GAREM1: variants seen among roughly 807,000 people sequenced by gnomAD.
GAREM1 encodes GRB2 associated regulator of MAPK1 subtype 1.
GAREM1 carries 26 observed loss-of-function variants against 71.3 expected under a neutral mutation model. The ratio of observed to expected loss-of-function variants is 0.36; its 90% CI spans 0.27 to 0.51. The LOEUF (loss-of-function observed/expected upper bound fraction) is 0.51. Among genes scored for constraint, GAREM1 ranks in the 20% least tolerant of loss-of-function variants. The pLI is 0.95. For missense variants in GAREM1, 1,026 were observed against 1,103.1 expected (o/e 0.93, Z 0.99); for synonymous variants, 440 against 433.2 (o/e 1.02, Z -0.20).
chr18:32,375,657 TGATTA>T (rs2048024278), intron 2 of GAREM1, among the ~76,000 whole-genome samples: 1 of 152,214 alleles, frequency 6.6e-6, no homozygotes, highest in Non-Finnish European at 1.5e-5. Flanking sequence ...GGAAATCATT[TGATTA>T]AAGGCAATCA....
In GAREM1 at chr18:32,270,383, C is replaced by T. The variant is rs1447494593; in HGVS notation, c.1567G>A (p.Val523Ile). Residue 523 changes from valine to isoleucine, a missense_variant and splice_region_variant, in exon 5 of 6, where the codon GTC becomes ATC. Around this residue, in one of 3 missense-constraint regions of GAREM1, gnomAD observed 636 missense variants for 631.2 expected, o/e 1.01. Coordinates refer to ENST00000269209, the MANE Select transcript of GAREM1 (RefSeq NM_001242409.2). The stretch of plus-strand genomic sequence containing the variant: ...TTCAGGAGCCGGCATTCTTCTCTGA[C>T]CTGGCGCAGAAAAGAACACTCCAGG... Reference protein sequence around the residue: ...PPPVPPKSEAVREECRLLNAP... With the variant: ...PPPVPPKSEAIREECRLLNAP... 1 of 1,609,928 alleles carries T rather than the reference C, an allele frequency of 6.2e-7. No individual in the cohort carries two copies. The highest frequency in any genetic ancestry group is 8.5e-7 in the Non-Finnish European group (1 of 1,178,378).
intron 1 of GAREM1, among the ~76,000 whole-genome samples, chr18:32,406,651 G>C (rs886560337): frequency 6.6e-6 from 1 of 152,158 alleles, no homozygotes. Flanking sequence ...TAACTAATTG[G>C]CAACTAACTT....
intron 1 of GAREM1, among the ~76,000 whole-genome samples, chr18:32,397,736 A>T (rs920295703): frequency 6.6e-6 from 1 of 152,210 alleles, no homozygotes; most frequent in Non-Finnish European, 1.5e-5. Context: ...TCAACATTAG[A>T]CAGATAGAGA....
intron 1 of GAREM1, among the ~76,000 whole-genome samples, chr18:32,457,301 C>G (rs1328431339): frequency 9.5e-5 from 14 of 147,566 alleles, no homozygotes. Flanking sequence ...GTGGTTATAT[C>G]AAGACTTCAG....
At chr18:32,457,219 G>GT (rs1381478586) in intron 1 of GAREM1, among the ~76,000 whole-genome samples, 2,349 of 129,466 alleles carry the variant, frequency 0.018, 113 homozygotes, top group African/African-American at 0.066. Context: ...GAGAGAGAGA[G>GT]AGAGAGAGTG....
At chr18:32,418,679 A>G (rs2048488916) in intron 1 of GAREM1, among the ~76,000 whole-genome samples, 1 of 152,118 alleles carries the variant, frequency 6.6e-6, no homozygotes, top group Non-Finnish European at 1.5e-5. Flanking sequence ...ATACAATAGA[A>G]CCAATAAGAT....
intron 1 of GAREM1, among the ~76,000 whole-genome samples, chr18:32,462,183 G>C (rs1032238398): frequency 3.3e-5 from 5 of 152,152 alleles, no homozygotes; most frequent in African/African-American, 1.2e-4. Context: ...ATTTTTGGAG[G>C]AACCTCCATA....
chr18:32,358,477 A>G (rs556826859), intron 2 of GAREM1, among the ~76,000 whole-genome samples: 2 of 152,196 alleles, frequency 1.3e-5, no homozygotes, highest in South Asian at 4.2e-4. Context: ...CCTCTCCCCC[A>G]AAAGGGTGCT....
chr18:32,363,987 C>CATATATAAATATATAT (rs1483479851), intron 2 of GAREM1, among the ~76,000 whole-genome samples: 1 of 27,092 alleles, frequency 3.7e-5, no homozygotes, highest in Non-Finnish European at 7.1e-5. Flanking sequence ...TACATAAATA[C>CATATATAAATATATAT]ATATATACAT....
At chr18:32,277,265 A>C (rs890585755) in intron 4 of GAREM1, among the ~76,000 whole-genome samples, 5 of 152,218 alleles carry the variant, frequency 3.3e-5, no homozygotes, top group African/African-American at 1.2e-4. Flanking sequence ...GCCTTTTAAA[A>C]AAAAACTTTA....
intron 1 of GAREM1, among the ~76,000 whole-genome samples, chr18:32,399,582 A>C (rs1235791251): frequency 3.9e-5 from 6 of 152,188 alleles, no homozygotes; most frequent in Non-Finnish European, 5.9e-5. Context: ...ATTGCTTCAA[A>C]GAGAATAAAA....
intron 2 of GAREM1, among the ~76,000 whole-genome samples, chr18:32,311,083 C>T (rs934673660): frequency 6.6e-6 from 1 of 152,194 alleles, no homozygotes; most frequent in Admixed American, 6.5e-5. Context: ...TTATGAAGAA[C>T]TTTGAACATA....
At chr18:32,403,041 C>G (rs2048331181) in intron 1 of GAREM1, among the ~76,000 whole-genome samples, 1 of 152,102 alleles carries the variant, frequency 6.6e-6, no homozygotes. Flanking sequence ...CCTCAGCCTC[C>G]TGAGTAGCTG....
In GAREM1 at chr18:32,270,586, G is replaced by A. The variant is rs188440309; in HGVS notation, c.1567-203C>T. 3.0e-3 allele frequency among the ~76,000 whole-genome samples: 454 copies of A among 152,318 alleles called. 4 individuals are homozygous for A. The highest frequency in any genetic ancestry group is 0.01 in the African/African-American group (435 of 41,566). On this transcript the variant is annotated intron_variant, in intron 4 of 5. Coordinates refer to ENST00000269209, the MANE Select transcript of GAREM1 (RefSeq NM_001242409.2). ...CAAATCAGGCGCCTGTCACACACTT[G>A]CTGGGACAGAATGATTTTTGAAAGA... is the stretch of plus-strand genomic sequence containing the variant.
At chr18:32,408,579 C>G (rs1014555695) in intron 1 of GAREM1, among the ~76,000 whole-genome samples, 1 of 152,122 alleles carries the variant, frequency 6.6e-6, no homozygotes, top group Admixed American at 6.5e-5. Context: ...GTGAGTACAA[C>G]AGAAAGGGAA....
chr18:32,452,301 A>G (rs551937851), intron 1 of GAREM1, among the ~76,000 whole-genome samples: 1 of 152,282 alleles, frequency 6.6e-6, no homozygotes, highest in African/African-American at 2.4e-5. Context: ...GTGTCCCGGA[A>G]AGGGAAGGGA....
chr18:32,403,890 C>G (rs1057053657), intron 1 of GAREM1, among the ~76,000 whole-genome samples: 1 of 152,182 alleles, frequency 6.6e-6, no homozygotes, highest in African/African-American at 2.4e-5. Context: ...AAGGCCAACA[C>G]AGTAAAAATA....
At chr18:32,365,701 C>T (rs72931881) in intron 2 of GAREM1, among the ~76,000 whole-genome samples, 3,979 of 152,240 alleles carry the variant, frequency 0.026, 66 homozygotes, top group Non-Finnish European at 0.039. Context: ...ACTACTTTTT[C>T]GCATCTTCCA....
At chr18:32,329,163 G>T (rs1375574557) in intron 2 of GAREM1, among the ~76,000 whole-genome samples, 3 of 152,126 alleles carry the variant, frequency 2.0e-5, no homozygotes, top group African/African-American at 4.8e-5. Context: ...TTGAGGCCAG[G>T]AATGCTAGAC....
Sources: gnomAD v4.1 joint callset for allele counts (sites outside exome capture counted in the v4.1 genomes callset) on GRCh38, gnomAD v4.1.1 for gene constraint, gnomAD v4.1.1 regional missense constraint, MANE v1.5 for transcripts, NCBI Gene and HGNC (gene_info 2026-07-23, HGNC 2026-07-21) for gene names.